The following HMGCLL1 variants were observed in gnomAD, a reference collection of about 807,000 sequenced individuals.
HMGCLL1 encodes 3-hydroxymethyl-3-methylglutaryl-CoA lyase, cytoplasmic.
A neutral mutation model predicts 39.1 loss-of-function variants in HMGCLL1; 36 were observed. The ratio of observed to expected loss-of-function variants is 0.92; its 90% CI spans 0.71 to 1.22. The LOEUF is 1.22. Ranked by LOEUF, HMGCLL1 falls within the 50% of genes most tolerant of loss-of-function variation. The pLI, the probability that HMGCLL1 is intolerant of heterozygous loss-of-function variation, is 0.00. For missense variants in HMGCLL1, 451 were observed against 416.5 expected (o/e 1.08, Z -0.72); for synonymous variants, 149 against 144.0 (o/e 1.03, Z -0.25).
At chr6:55,627,049 GAAAAA>G in the HMGCLL1 span, among the ~76,000 whole-genome samples, 887 of 85,814 alleles carry the variant, frequency 0.01, 9 homozygotes, top group East Asian at 0.073. Context: ...CACTCCACCA[GAAAAA>G]AAAAAAAAAA....
intron 7 of HMGCLL1, among the ~76,000 whole-genome samples, chr6:55,483,278 A>G (rs1765836331): frequency 6.6e-6 from 1 of 152,042 alleles, no homozygotes; most frequent in Non-Finnish European, 1.5e-5. Flanking sequence ...ATTATATTTT[A>G]TTTTTTGAGA....
In HMGCLL1 at chr6:55,579,115, G is replaced by T; in HGVS notation, c.-60C>A. ...GAGACTGGAGGAGGATGAGGGGCGG[G>T]CACCGCGCTGGGAAACTGCGCCAGC... On this transcript the variant is annotated 5_prime_UTR_variant, in exon 1 of 9. Coordinates refer to ENST00000274901, the MANE Select transcript of HMGCLL1 (RefSeq NM_001042406.2). The T allele has an allele frequency of 7.6e-7, 1 of 1,315,498 alleles. No individual in the cohort carries two copies. Among genetic ancestry groups the T allele is most frequent in the Non-Finnish European group, 1.1e-6 (1 of 930,610 alleles). 81.5% of individuals were successfully genotyped at this position (1,315,498 alleles called of 1,614,324 possible).
the HMGCLL1 span, among the ~76,000 whole-genome samples, chr6:55,614,472 T>C: frequency 6.6e-6 from 1 of 152,122 alleles, no homozygotes; most frequent in South Asian, 2.1e-4. Context: ...AAATGTCTAT[T>C]GTTTAAGTCA....
chr6:55,501,365 T>C (rs1766877299), intron 5 of HMGCLL1, among the ~76,000 whole-genome samples: 2 of 151,914 alleles, frequency 1.3e-5, no homozygotes, highest in African/African-American at 4.8e-5. Flanking sequence ...TACTTATTTA[T>C]GGCTGCTTTT....
At position 55,495,401 on chromosome 6, in the gene HMGCLL1, A is replaced by T; in HGVS notation, c.795+18T>A. The T allele has an allele frequency of 6.2e-7, 1 of 1,601,952 alleles. No individual in the cohort carries two copies. Among genetic ancestry groups the T allele is most frequent in the Non-Finnish European group, 8.5e-7 (1 of 1,170,982 alleles). On this transcript the variant is annotated intron_variant, in intron 7 of 8. Coordinates refer to ENST00000274901, the MANE Select transcript of HMGCLL1 (RefSeq NM_001042406.2). ...AACACCCTATGCACACACATAACAC[A>T]CAAAGAGTACAAAATACCTGAAGGG...
intron 5 of HMGCLL1, among the ~76,000 whole-genome samples, chr6:55,503,175 T>C (rs1228569289): frequency 6.6e-6 from 1 of 151,840 alleles, no homozygotes; most frequent in Non-Finnish European, 1.5e-5. Context: ...AATTTATCAA[T>C]TATTGAACAA....
At chr6:55,497,104 A>C (rs535400298) in intron 6 of HMGCLL1, among the ~76,000 whole-genome samples, 1 of 152,154 alleles carries the variant, frequency 6.6e-6, no homozygotes, top group Non-Finnish European at 1.5e-5. Context: ...TTACTTTCAA[A>C]GAGCAATATG....
the HMGCLL1 span, among the ~76,000 whole-genome samples, chr6:55,586,405 T>TTA: frequency 7.9e-4 from 120 of 151,428 alleles, 6 homozygotes; most frequent in African/African-American, 7.3e-5. Flanking sequence ...CAGTTTTTTT[T>TTA]TTATTATACT....
intron 1 of HMGCLL1, among the ~76,000 whole-genome samples, chr6:55,552,873 G>A (rs903265601): frequency 6.6e-6 from 1 of 151,864 alleles, no homozygotes; most frequent in Non-Finnish European, 1.5e-5. Flanking sequence ...CGGGCGTGGT[G>A]GCTCACACCT....
the HMGCLL1 span, among the ~76,000 whole-genome samples, chr6:55,653,021 T>C: frequency 6.6e-6 from 1 of 152,078 alleles, no homozygotes; most frequent in African/African-American, 2.4e-5. Flanking sequence ...TCTGAAGTCA[T>C]CATTCTTTCC....
At position 55,477,228 on chromosome 6, in the gene HMGCLL1, AT is replaced by A. The variant is rs1260371211; in HGVS notation, c.795+18190del. ...AATATATATTATATTATAATATATA[AT>A]ATATATTATATTTATATAATATATA... is the stretch of plus-strand genomic sequence containing the variant. On this transcript the variant is annotated intron_variant, in intron 7 of 8. Transcript: ENST00000274901. 2.1e-3 allele frequency among the ~76,000 whole-genome samples: 40 copies of A among 19,210 alleles called. 1 individual carries two copies. The highest frequency in any genetic ancestry group is 5.4e-3 in the African/African-American group (19 of 3,522). 12.6% of individuals were successfully genotyped at this position (19,210 alleles called of 152,430 possible). A position where few individuals can be genotyped will look rare whatever the true frequency, so the allele number is the denominator to read the frequency against.
the HMGCLL1 span, among the ~76,000 whole-genome samples, chr6:55,647,254 CT>C: frequency 6.2e-4 from 94 of 151,784 alleles, no homozygotes; most frequent in Non-Finnish European, 1.2e-3. Context: ...CACAGAATGT[CT>C]TTTTTTATCC....
chr6:55,676,850 T>C, the HMGCLL1 span, among the ~76,000 whole-genome samples: 1 of 152,254 alleles, frequency 6.6e-6, no homozygotes, highest in Non-Finnish European at 1.5e-5. Context: ...CTATCTTGAC[T>C]GAAGTTAAGT....
the HMGCLL1 span, among the ~76,000 whole-genome samples, chr6:55,640,830 T>C: frequency 6.6e-6 from 1 of 151,880 alleles, no homozygotes; most frequent in African/African-American, 2.4e-5. Flanking sequence ...AGTTTATCTT[T>C]CTGTTGTTTG....
intron 7 of HMGCLL1, among the ~76,000 whole-genome samples, chr6:55,454,477 A>C (rs1764239227): frequency 6.6e-6 from 1 of 152,230 alleles, no homozygotes; most frequent in Non-Finnish European, 1.5e-5. Context: ...AGAACACTCA[A>C]ACCTGGCATA....
At position 55,487,797 on chromosome 6, in the gene HMGCLL1, C is replaced by T. The variant is rs372528366; in HGVS notation, c.795+7622G>A. ...AATCAAATGATCCCTGATTAAAAAC[C>T]TCCAGTAGCTGTCCACTGTTTTCAG... On this transcript the variant is annotated intron_variant, in intron 7 of 8. Coordinates refer to ENST00000274901, the MANE Select transcript of HMGCLL1 (RefSeq NM_001042406.2). Among the ~76,000 whole-genome samples the T allele has an allele frequency of 2.2e-4, 34 of 152,024 alleles. No homozygotes were observed. In the East Asian group the frequency reaches 6.6e-3, roughly 29 times the overall value.
the HMGCLL1 span, among the ~76,000 whole-genome samples, chr6:55,608,625 ATG>A: frequency 6.6e-6 from 1 of 152,268 alleles, no homozygotes; most frequent in East Asian, 1.9e-4. Context: ...TCTTAATTCA[ATG>A]TGTGTATGAA....
At chr6:55,662,838 A>G in the HMGCLL1 span, among the ~76,000 whole-genome samples, 26 of 151,636 alleles carry the variant, frequency 1.7e-4, no homozygotes, top group African/African-American at 5.5e-4. Flanking sequence ...TGTTTTTGGT[A>G]GGCTATTTAT....
rs191236620 is a variant in HMGCLL1 at position 55,505,463 on chromosome 6, T to C, written c.543-6164A>G. 7.7e-4 allele frequency among the ~76,000 whole-genome samples: 117 copies of C among 151,758 alleles called. 4 individuals carry two copies. The South Asian group carries it at 0.023, about 30-fold the overall frequency. On this transcript the variant is annotated intron_variant, in intron 5 of 8. Transcript: ENST00000274901. Reference sequence around the variant, plus strand: ...TTTCTGTAAGCAACACAAAATAACATGCCATTATTATTAAGTGAATGAACA... The same window carrying C: ...TTTCTGTAAGCAACACAAAATAACACGCCATTATTATTAAGTGAATGAACA...
Sources: gnomAD v4.1 joint callset for allele counts (sites outside exome capture counted in the v4.1 genomes callset) on GRCh38, gnomAD v4.1.1 for gene constraint, MANE v1.5 for transcripts, NCBI Gene and HGNC (gene_info 2026-07-23, HGNC 2026-07-21) for gene names.